SLC25A23: variants seen among roughly 807,000 people sequenced by gnomAD.
SLC25A23 encodes the protein mitochondrial adenyl nucleotide antiporter SLC25A23.
Under a neutral mutation model 53.9 loss-of-function variants are expected in SLC25A23, and 32 were observed. The observed-to-expected ratio is 0.59, with a 90% CI of 0.45 to 0.80. The LOEUF is 0.80. Ranked by LOEUF, SLC25A23 falls within the 30% of genes least tolerant of loss-of-function variation. SLC25A23 has a pLI of 0.00. For synonymous variants in SLC25A23, 275 were observed against 264.5 expected, an observed-to-expected ratio of 1.04 and a Z score of -0.38; for missense variants, 575 against 651.4, an observed-to-expected ratio of 0.88 and a Z score of 1.28.
chr19:6,457,716 G>A (rs550506987), intron 2 of SLC25A23, 126 bp from the exon 3 acceptor site: 4 of 777,220 alleles, frequency 5.1e-6, no homozygotes, highest in African/African-American at 5.1e-5. Flanking sequence ...AGAAACCTAG[G>A]AGGAGGTTTG....
At chr19:6,447,067 G>GTA (rs2092515637) in intron 8 of SLC25A23, among the ~76,000 whole-genome samples, 1 of 152,180 alleles carries the variant, frequency 6.6e-6, no homozygotes, top group African/African-American at 2.4e-5. Flanking sequence ...TTGAGAGGGA[G>GTA]TATGGCTCTG....
chr19:6,459,505 C>T lies in SLC25A23; in HGVS notation c.124G>A (p.Gly42Ser), dbSNP rs913094963. ...HELRQGLARLGGGNPDPGAQQ... is the reference protein window; with the variant it reads ...HELRQGLARLSGGNPDPGAQQ... ...GCGCCGGGGTCTGGGTTGCCCCCGC[C>T]CAGCCTGGCCAGCCCCTGGCGCAAC... Residue 42 changes from glycine (G) to serine (S), a missense_variant, in exon 1 of 10, where the codon GGC becomes AGC. Gly to Ser is a moderately conservative substitution (Grantham distance 56). Transcript: ENST00000301454. This position sits in a 1 kb window ranked among gnomAD's most constrained non-coding sequence, Gnocchi z 4.6. 12 of 1,594,984 alleles carry T rather than the reference C, an allele frequency of 7.5e-6. No homozygotes were observed. The Admixed American group carries it at 1.4e-4, about 18-fold the overall frequency.
At chr19:6,458,932 G>A (rs1289604476) in intron 1 of SLC25A23, among the ~76,000 whole-genome samples, 5 of 152,220 alleles carry the variant, frequency 3.3e-5, no homozygotes, top group Non-Finnish European at 7.3e-5. Flanking sequence ...GCAGCGGGAG[G>A]AAAGTCTTGT....
chr19:6,444,445 C>G (rs1301211888), intron 8 of SLC25A23, 144 bp from the exon 9 acceptor site: 8 of 807,854 alleles, frequency 9.9e-6, no homozygotes, highest in Non-Finnish European at 1.5e-5. Flanking sequence ...CCAGCCCTTT[C>G]CCTGCGTCCC....
Position 6,454,689 on chromosome 19 carries a change from A to G in SLC25A23, c.512T>C (p.Val171Ala). ...CTCTTGCTTTGAGAACTCGTCCGGCACTGTCAGGCACTCGCCAATGTCCAG... is the reference window on the plus strand; with the variant it reads ...CTCTTGCTTTGAGAACTCGTCCGGCGCTGTCAGGCACTCGCCAATGTCCAG... ...TVLDIGECLT[V>A]PDEFSKQEKL... Residue 171 changes from valine (V) to alanine (A), a missense_variant, in exon 5 of 10, where the codon GTG becomes GCG. Val to Ala is a moderately conservative substitution (Grantham distance 64). Transcript: ENST00000301454. This position sits in a 1 kb window ranked among gnomAD's most constrained non-coding sequence, Gnocchi z 4.3. The G allele has an allele frequency of 6.2e-7, 1 of 1,614,032 alleles. No homozygotes were observed. Among genetic ancestry groups the G allele is most frequent in the South Asian group, 1.1e-5 (1 of 91,090 alleles).
In SLC25A23 at chr19:6,454,570, C is replaced by T. The variant is rs777508730; in HGVS notation, c.631G>A (p.Val211Ile). The T allele has an allele frequency of 6.2e-7, 1 of 1,613,788 alleles. No homozygotes were observed. Among genetic ancestry groups the T allele is most frequent in the Non-Finnish European group, 8.5e-7 (1 of 1,179,982 alleles). The change falls in exon 5 of 10, where the codon GTC becomes ATC. Residue 211 changes from valine (V) to isoleucine (I), a missense_variant. Coordinates refer to ENST00000301454, the MANE Select transcript of SLC25A23 (RefSeq NM_024103.3). The surrounding 1 kb of genome is among the most constrained non-coding windows in gnomAD (Gnocchi z 4.3). Reference protein sequence around the residue: ...TGTAPLDRLKVFMQVHASKTN... With the variant: ...TGTAPLDRLKIFMQVHASKTN... Reference sequence around the variant, plus strand: ...CCAGAGCCCCTCACCTGCATGAAGACCTTGAGGCGGTCCAGAGGGGCCGTG... The same window carrying T: ...CCAGAGCCCCTCACCTGCATGAAGATCTTGAGGCGGTCCAGAGGGGCCGTG...
chr19:6,458,793 G>C (rs372011057), intron 1 of SLC25A23, among the ~76,000 whole-genome samples: 1 of 152,192 alleles, frequency 6.6e-6, no homozygotes, highest in African/African-American at 2.4e-5. Flanking sequence ...AGAACCAAGC[G>C]GAGTGGCTGA....
rs765628569 is a variant in SLC25A23, at chr19:6,453,967, TC to T, written c.903+13del. On this transcript the variant is annotated intron_variant, in intron 7 of 9. Coordinates refer to ENST00000301454, the MANE Select transcript of SLC25A23 (RefSeq NM_024103.3). ...CCCTGCCATGGGGCCTCCGCTGGGG[TC>T]CCTCCTTCTCACCTCCATAGGGTAA... The T allele has an allele frequency of 6.2e-7, 1 of 1,603,898 alleles. No homozygotes were observed. Among genetic ancestry groups the T allele is most frequent in the Admixed American group, 1.7e-5 (1 of 58,826 alleles).
Position 6,447,001 on chromosome 19 carries a change from T to C in SLC25A23, c.1072-2700A>G, listed in dbSNP as rs529378853. On this transcript the variant is annotated intron_variant, in intron 8 of 9. Transcript: ENST00000301454. ...CAAGCCAAAGAATGTCCAGGGTTGC[T>C]GGGAACAAGCAGAAACTGAAAGAAG... Among the ~76,000 whole-genome samples, 5 of 151,534 alleles carry C rather than the reference T, an allele frequency of 3.3e-5. No homozygotes were observed. The South Asian group carries it at 8.3e-4, about 25-fold the overall frequency.
Position 6,442,083 on chromosome 19 carries a change from G to A in SLC25A23, c.1299C>T (p.Gly433=). Residue 433 remains glycine (G), a synonymous_variant, in exon 10 of 10, where the codon GGC becomes GGT. Transcript: ENST00000301454. ...AGTTGGGGGCGATCCCCCGGTAGAGGCCCCGCATGCCCTCCTGGGACAGGA... is the reference window on the plus strand; with the variant it reads ...AGTTGGGGGCGATCCCCCGGTAGAGACCCCGCATGCCCTCCTGGGACAGGA... The part of the protein sequence containing the change: ...RHILSQEGMR[G]LYRGIAPNFM... The A allele has an allele frequency of 6.3e-7, 1 of 1,596,998 alleles. No homozygotes were observed. The highest frequency in any genetic ancestry group is 8.5e-7 in the Non-Finnish European group (1 of 1,172,042).
At chr19:6,450,030 G>C (rs1362071291) in intron 8 of SLC25A23, among the ~76,000 whole-genome samples, 1 of 151,534 alleles carries the variant, frequency 6.6e-6, no homozygotes, top group Non-Finnish European at 1.5e-5. Context: ...GCTAATTTTT[G>C]TATTTTTAGC....
At chr19:6,439,399 T>TCTCTCACA (rs1196510603), downstream of SLC25A23, among the ~76,000 whole-genome samples, 3 of 123,988 alleles carry the variant, frequency 2.4e-5, no homozygotes, top group Admixed American at 7.8e-5. Flanking sequence ...TCTCTCTCTC[T>TCTCTCACA]CACACACACA....
Position 6,458,348 on chromosome 19 carries a change from G to A in SLC25A23, c.157-24C>T, listed in dbSNP as rs371803751. 6.3e-5 allele frequency: 101 copies of A among 1,608,084 alleles called. No individual in the cohort carries two copies. In the African/African-American group the frequency reaches 1.3e-3, roughly 21 times the overall value. On this transcript the variant is annotated intron_variant, in intron 1 of 9. Transcript: ENST00000301454. The stretch of plus-strand genomic sequence containing the variant: ...CCCTGACAGAGGGAAAGGGGATAGA[G>A]GTGGCTCCAGGAACCTGCTCCTGAT...
rs1395476830 is a variant in SLC25A23 at position 6,440,447 on chromosome 19, G to A, written c.*1528C>T. Reference sequence around the variant, plus strand: ...CTGGCTTTCAACTCTGGAAGCCTGGGGAGGCCCTGATAGTGCTGGGGTGGG... The same window carrying A: ...CTGGCTTTCAACTCTGGAAGCCTGGAGAGGCCCTGATAGTGCTGGGGTGGG... On this transcript the variant is annotated 3_prime_UTR_variant, in exon 10 of 10. Transcript: ENST00000301454. 6.6e-6 allele frequency: 1 copy of A among 151,784 alleles called. No homozygotes were observed. The highest frequency in any genetic ancestry group is 1.5e-5 in the Non-Finnish European group (1 of 67,862). The allele number at this position is 151,784 out of a possible 1,614,324, so 9.4% of individuals were successfully genotyped here.
At chr19:6,444,407 G>A in intron 8 of SLC25A23, 106 bp from the exon 9 acceptor site, 8 of 1,255,960 alleles carry the variant, frequency 6.4e-6, no homozygotes, top group Non-Finnish European at 8.7e-6. Flanking sequence ...GCTACTAGCT[G>A]AGCACTTGGT....
At chr19:6,451,338 G>A (rs774867713) in intron 8 of SLC25A23, among the ~76,000 whole-genome samples, 8 of 152,072 alleles carry the variant, frequency 5.3e-5, no homozygotes, top group Non-Finnish European at 5.9e-5. Flanking sequence ...GCAGTGAGCC[G>A]AGATCGCGCC....
chr19:6,446,337 T>G (rs1359983170), intron 8 of SLC25A23, among the ~76,000 whole-genome samples: 6 of 152,174 alleles, frequency 3.9e-5, no homozygotes, highest in African/African-American at 1.2e-4. Context: ...CACTCCAGCC[T>G]GGGCAATAAG....
At chr19:6,457,618 G>T in intron 2 of SLC25A23, 28 bp from the exon 3 acceptor site, 1 of 1,602,534 alleles carries the variant, frequency 6.2e-7, no homozygotes, top group Non-Finnish European at 8.5e-7. Context: ...GGTGGGGAAG[G>T]ATGTGCGTGT....
rs1165700319 is a variant in SLC25A23, at chr19:6,442,090, A to G, written c.1292T>C (p.Met431Thr). 1.9e-6 allele frequency: 3 copies of G among 1,591,668 alleles called. No homozygotes were observed. The highest frequency in any genetic ancestry group is 2.6e-6 in the Non-Finnish European group (3 of 1,166,982). ...GGCGATCCCCCGGTAGAGGCCCCGC[A>G]TGCCCTCCTGGGACAGGATGTGACG... ...LLRHILSQEG[M>T]RGLYRGIAPN... The change falls in exon 10 of 10, where the codon ATG becomes ACG. Residue 431 changes from methionine (M) to threonine (T), a missense_variant. By Grantham distance (81) the Met-to-Thr change is moderately conservative. Coordinates refer to ENST00000301454, the MANE Select transcript of SLC25A23 (RefSeq NM_024103.3).
Sources: allele counts gnomAD v4.1 joint callset (sites outside exome capture counted in the v4.1 genomes callset), GRCh38; gene constraint gnomAD v4.1.1; non-coding constraint Gnocchi (gnomAD v3.1); transcripts MANE v1.5; gene names NCBI Gene and HGNC (gene_info 2026-07-23, HGNC 2026-07-21).